The following SEC22A variants were observed in gnomAD, a reference collection of about 807,000 sequenced individuals.
The protein encoded by SEC22A is vesicle-trafficking protein SEC22a.
A neutral mutation model predicts 35.3 loss-of-function variants in SEC22A; 22 were observed. That is an observed-to-expected ratio of 0.62 (90% CI 0.45 to 0.89). The LOEUF (loss-of-function observed/expected upper bound fraction) is 0.89, where lower values mean the gene tolerates loss of function less well. Among genes scored for constraint, SEC22A ranks in the 40% least tolerant of loss-of-function variants. SEC22A has a pLI of 0.00. For missense variants in SEC22A, 354 were observed against 362.5 expected, an observed-to-expected ratio of 0.98 and a Z score of 0.19; for synonymous variants, 119 against 129.5, an observed-to-expected ratio of 0.92 and a Z score of 0.55.
Position 123,209,359 on chromosome 3 carries a change from C to T in SEC22A, c.142C>T (p.Pro48Ser). The change falls in exon 2 of 7, where the codon CCT becomes TCT. Residue 48 changes from proline (P) to serine (S), a missense_variant. By Grantham distance (74) the Pro-to-Ser change is moderately conservative (BLOSUM62 -1). Coordinates refer to ENST00000492595, the MANE Select transcript of SEC22A (RefSeq NM_012430.5). ...GCTTTCGAGGAAACTTGCTCAACTTCCTGATAGATGTACACTGAAAACTGG... is the reference window on the plus strand; with the variant it reads ...GCTTTCGAGGAAACTTGCTCAACTTTCTGATAGATGTACACTGAAAACTGG... ...KMLSRKLAQL[P>S]DRCTLKTGHY... 1 of 1,613,970 alleles carries T rather than the reference C, an allele frequency of 6.2e-7. No individual in the cohort carries two copies. Among genetic ancestry groups the T allele is most frequent in the South Asian group, 1.1e-5 (1 of 91,062 alleles).
At chr3:123,214,879 C>T (rs555447353) in intron 2 of SEC22A, among the ~76,000 whole-genome samples, 22 of 152,224 alleles carry the variant, frequency 1.4e-4, no homozygotes, top group African/African-American at 5.3e-4. Flanking sequence ...CATTTGAAGC[C>T]GTATAATCGC....
At chr3:123,247,883 A>T (rs1357192588) in intron 5 of SEC22A, among the ~76,000 whole-genome samples, 1 of 152,204 alleles carries the variant, frequency 6.6e-6, no homozygotes, top group Non-Finnish European at 1.5e-5. Flanking sequence ...GGTGGAATTT[A>T]TCCCAGGTAT....
At chr3:123,237,139 CA>C (rs1937437522) in intron 4 of SEC22A, among the ~76,000 whole-genome samples, 1 of 152,104 alleles carries the variant, frequency 6.6e-6, no homozygotes, top group Non-Finnish European at 1.5e-5. Context: ...ACTTTATTTA[CA>C]AAAATAGATG....
intron 5 of SEC22A, 91 bp downstream of exon 5, chr3:123,246,105 A>C: frequency 1.4e-6 from 1 of 692,464 alleles, no homozygotes. Flanking sequence ...TATTAGTATA[A>C]TTTACAGTGC....
intron 4 of SEC22A, chr3:123,243,886 T>A (rs967829712): frequency 3.9e-5 from 6 of 152,198 alleles, no homozygotes; most frequent in African/African-American, 1.4e-4. Context: ...CATGCCATCC[T>A]TGGGTTCAAG....
rs747871340 is a variant in SEC22A, at chr3:123,225,241, A to G, written c.485A>G (p.Asn162Ser). Residue 162 changes from asparagine (N) to serine (S), a missense_variant, in exon 4 of 7, where the codon AAT becomes AGT. By Grantham distance (46) the Asn-to-Ser change is conservative. Transcript: ENST00000492595. ...TCCATGTGCGAACTGGGGTCAGCCA[A>G]TGGAGTCACATCAGCATTTTCTGTT... ...QISMCELGSA[N>S]GVTSAFSVDC... 17 of 1,613,706 alleles carry G rather than the reference A, an allele frequency of 1.1e-5. No homozygotes were observed. In the African/African-American group the frequency reaches 1.1e-4, roughly 10 times the overall value.
At chr3:123,229,119 T>C (rs1937267410) in intron 4 of SEC22A, among the ~76,000 whole-genome samples, 1 of 152,184 alleles carries the variant, frequency 6.6e-6, no homozygotes, top group South Asian at 2.1e-4. Context: ...AGAACATTAG[T>C]CTGCTCTTGC....
At chr3:123,220,142 A>G (rs758377856) in intron 2 of SEC22A, among the ~76,000 whole-genome samples, 2 of 152,234 alleles carry the variant, frequency 1.3e-5, no homozygotes, top group Non-Finnish European at 2.9e-5. Context: ...AAGATAGACC[A>G]TTTGGGATAA....
chr3:123,239,049 A>T (rs1487540471), intron 4 of SEC22A, among the ~76,000 whole-genome samples: 1 of 151,946 alleles, frequency 6.6e-6, no homozygotes, highest in Admixed American at 6.6e-5. Flanking sequence ...TTATTTCTAT[A>T]TTTTTTTCTT....
chr3:123,240,675 C>G (rs1937511937), intron 4 of SEC22A, among the ~76,000 whole-genome samples: 1 of 152,080 alleles, frequency 6.6e-6, no homozygotes, highest in African/African-American at 2.4e-5. Flanking sequence ...AAAAGGTTGC[C>G]TGTTTAAGAA....
rs370557696 is a variant in SEC22A, at chr3:123,271,618, C to T, written c.820C>T (p.Arg274Cys). ...ATGCAACATGTATCTCTATGAACTGCGCAACCTCTGGCAGCTTTTCTTTCA... is the reference window on the plus strand; with the variant it reads ...ATGCAACATGTATCTCTATGAACTGTGCAACCTCTGGCAGCTTTTCTTTCA... Reference protein sequence around the residue: ...CLCNMYLYELRNLWQLFFHVT... With the variant: ...CLCNMYLYELCNLWQLFFHVT... Residue 274 changes from arginine (R) to cysteine (C), a missense_variant, in exon 7 of 7, where the codon CGC becomes TGC. Coordinates refer to ENST00000492595, the MANE Select transcript of SEC22A (RefSeq NM_012430.5). The T allele has an allele frequency of 3.1e-6, 5 of 1,614,132 alleles. No individual in the cohort carries two copies. The highest frequency in any genetic ancestry group is 1.6e-4 in the Middle Eastern group (1 of 6,062).
chr3:123,226,773 T>G (rs1937223741), intron 4 of SEC22A, among the ~76,000 whole-genome samples: 1 of 152,222 alleles, frequency 6.6e-6, no homozygotes, highest in Non-Finnish European at 1.5e-5. Flanking sequence ...GGGGTATTAC[T>G]CAAGAGATCT....
chr3:123,245,145 C>T (rs577712630), intron 4 of SEC22A, among the ~76,000 whole-genome samples: 4 of 152,146 alleles, frequency 2.6e-5, no homozygotes, highest in South Asian at 4.2e-4. Flanking sequence ...ATATTTATAG[C>T]CCTAGAACCC....
At chr3:123,211,221 C>T (rs1424168887) in intron 2 of SEC22A, among the ~76,000 whole-genome samples, 3 of 151,966 alleles carry the variant, frequency 2.0e-5, no homozygotes, top group Admixed American at 6.6e-5. Context: ...ATTAGAACAC[C>T]AAAAGAACTA....
chr3:123,225,105 A>G lies in SEC22A; in HGVS notation c.349A>G (p.Asn117Asp). The G allele has an allele frequency of 1.9e-6, 3 of 1,583,502 alleles. No individual in the cohort carries two copies. The highest frequency in any genetic ancestry group is 2.6e-6 in the Non-Finnish European group (3 of 1,159,964). The part of the protein sequence containing the change: ...VRPYCFIEFD[N>D]FIQRTKQRYN... ...AATTTATTTTTTATTTTACATAGAT[A>G]ACTTCATTCAGAGGACCAAGCAGCG... The change falls in exon 4 of 7, where the codon AAC becomes GAC. Residue 117 changes from asparagine (N) to aspartate (D), a missense_variant and splice_region_variant. Transcript: ENST00000492595.
intron 1 of SEC22A, among the ~76,000 whole-genome samples, chr3:123,207,354 C>T (rs1306212084): frequency 2.6e-5 from 4 of 151,408 alleles, no homozygotes; most frequent in Admixed American, 2.0e-4. Context: ...TCATTTTTTC[C>T]TTTTTGGAAT....
chr3:123,239,797 T>C (rs1937493538), intron 4 of SEC22A, among the ~76,000 whole-genome samples: 1 of 152,178 alleles, frequency 6.6e-6, no homozygotes, highest in South Asian at 2.1e-4. Flanking sequence ...ACTCTGATGG[T>C]AGTGTCTTTT....
intron 4 of SEC22A, among the ~76,000 whole-genome samples, chr3:123,241,039 ACAC>A (rs1937515637): frequency 6.7e-6 from 1 of 148,932 alleles, no homozygotes; most frequent in Non-Finnish European, 1.5e-5. Context: ...ACACACACAC[ACAC>A]ATCCCCTTCA....
At chr3:123,206,568 G>C (rs901464678) in intron 1 of SEC22A, among the ~76,000 whole-genome samples, 1 of 151,124 alleles carries the variant, frequency 6.6e-6, no homozygotes, top group African/African-American at 2.4e-5. Context: ...TGTTACAATT[G>C]TGATTTAATA....
Sources: gnomAD v4.1 joint callset for allele counts (sites outside exome capture counted in the v4.1 genomes callset) on GRCh38, gnomAD v4.1.1 for gene constraint, MANE v1.5 for transcripts, NCBI Gene and HGNC (gene_info 2026-07-23, HGNC 2026-07-21) for gene names.